The following LRBA variants were observed in gnomAD, a reference collection of about 807,000 sequenced individuals.
LRBA encodes LPS responsive beige-like anchor protein, also known as lipopolysaccharide-responsive and beige-like anchor protein.
LRBA carries 176 observed loss-of-function variants against 330.0 expected under a neutral mutation model. That is an observed-to-expected ratio of 0.53 (90% CI 0.47 to 0.60). The LOEUF (loss-of-function observed/expected upper bound fraction) is 0.60, where lower values mean the gene tolerates loss of function less well. LRBA is among the 20% of genes least tolerant of loss of function. LRBA has a pLI of 0.00. For synonymous variants in LRBA, 1,230 were observed against 1,193.0 expected (o/e 1.03, Z -0.64); for missense variants, 3,259 against 3,444.8 (o/e 0.95, Z 1.35).
rs998787226 is a variant in LRBA at position 150,265,550 on chromosome 4, T to TC, written c.*171dup. On this transcript the variant is annotated 3_prime_UTR_variant, in exon 57 of 57. Transcript: ENST00000651943. ...AGCAGCCAGTTTTCTGCTTTGCTAA[T>TC]CCCCCCCAAAAAAGTCAAGCAAAGA... is the stretch of plus-strand genomic sequence containing the variant. 58 of 537,070 alleles carry TC rather than the reference T, an allele frequency of 1.1e-4. No individual in the cohort carries two copies. Among genetic ancestry groups the TC allele is most frequent in the Non-Finnish European group, 1.6e-4 (46 of 294,826 alleles). The allele number at this position is 537,070 out of a possible 1,614,324, so 33.3% of individuals were successfully genotyped here.
At chr4:150,314,365 A>G (rs1348024589) in intron 51 of LRBA, among the ~76,000 whole-genome samples, 2 of 152,116 alleles carry the variant, frequency 1.3e-5, no homozygotes, top group African/African-American at 4.8e-5. Flanking sequence ...TCATGTAGAT[A>G]ATTACGTATT....
At chr4:150,983,231 C>T (rs1487089160) in intron 2 of LRBA, among the ~76,000 whole-genome samples, 2 of 152,004 alleles carry the variant, frequency 1.3e-5, no homozygotes, top group Admixed American at 6.6e-5. Flanking sequence ...CTGAGGCAAG[C>T]GGAACACTTG....
At chr4:150,809,394 T>C (rs539836750) in intron 31 of LRBA, among the ~76,000 whole-genome samples, 1 of 152,238 alleles carries the variant, frequency 6.6e-6, no homozygotes, top group South Asian at 2.1e-4. Flanking sequence ...CAAAATGAGT[T>C]TGAAACATCT....
intron 37 of LRBA, among the ~76,000 whole-genome samples, chr4:150,608,996 A>G (rs6825990): frequency 0.78 from 118,033 of 152,054 alleles, 50,668 homozygotes; most frequent in Non-Finnish European, 0.95. Context: ...TTGATTATCC[A>G]TTCATGTACT....
intron 56 of LRBA, among the ~76,000 whole-genome samples, chr4:150,272,532 G>T (rs113432702): frequency 7.6e-4 from 115 of 151,904 alleles, no homozygotes; most frequent in African/African-American, 2.7e-3. Context: ...AAAGGATCAC[G>T]TTCTAATCCA....
chr4:150,639,131 C>T (rs1457966362), intron 37 of LRBA, among the ~76,000 whole-genome samples: 1 of 146,520 alleles, frequency 6.8e-6, no homozygotes, highest in African/African-American at 2.5e-5. Flanking sequence ...CATATTCTCA[C>T]TCATAGGTGG....
chr4:150,481,040 T>C (rs1418076834), intron 42 of LRBA, among the ~76,000 whole-genome samples: 1 of 152,192 alleles, frequency 6.6e-6, no homozygotes, highest in African/African-American at 2.4e-5. Flanking sequence ...TTTTTACTCA[T>C]ATGGAGATTA....
At chr4:150,892,929 C>A (rs1729618995) in intron 17 of LRBA, 123 bp downstream of exon 17, 1 of 583,288 alleles carries the variant, frequency 1.7e-6, no homozygotes, top group Non-Finnish European at 3.0e-6. Flanking sequence ...GGTCTTAAAT[C>A]TTAACTCATT....
intron 35 of LRBA, 128 bp from the exon 36 acceptor site, chr4:150,735,494 C>A: frequency 1.5e-6 from 1 of 666,736 alleles, no homozygotes; most frequent in South Asian, 1.9e-5. Flanking sequence ...AATGAGGTAC[C>A]ATTATTTCAT....
chr4:150,808,217 G>T, intron 32 of LRBA, 103 bp downstream of exon 32: 2 of 721,516 alleles, frequency 2.8e-6, no homozygotes. Context: ...TTGAAAGAAA[G>T]AAATGAAATG....
At chr4:150,393,768 G>A (rs768795009) in intron 47 of LRBA, among the ~76,000 whole-genome samples, 2 of 152,196 alleles carry the variant, frequency 1.3e-5, no homozygotes, top group African/African-American at 4.8e-5. Flanking sequence ...TTATGGGCAT[G>A]AGCCACTGCC....
intron 56 of LRBA, among the ~76,000 whole-genome samples, chr4:150,276,088 T>C (rs1042491651): frequency 6.6e-6 from 1 of 152,138 alleles, no homozygotes; most frequent in Non-Finnish European, 1.5e-5. Context: ...AACAGATATA[T>C]AGACCAATGG....
intron 22 of LRBA, among the ~76,000 whole-genome samples, chr4:150,853,566 T>C (rs1750872999): frequency 6.6e-6 from 1 of 152,196 alleles, no homozygotes; most frequent in South Asian, 2.1e-4. Context: ...GATCCATCCA[T>C]ACATCCATTC....
chr4:150,440,171 G>C (rs1423606684), intron 44 of LRBA, among the ~76,000 whole-genome samples: 1 of 152,040 alleles, frequency 6.6e-6, no homozygotes. Flanking sequence ...GATTTTAAAG[G>C]AAAGTGACTC....
intron 44 of LRBA, among the ~76,000 whole-genome samples, chr4:150,454,153 G>A (rs1179795961): frequency 6.6e-6 from 1 of 152,000 alleles, no homozygotes; most frequent in Non-Finnish European, 1.5e-5. Flanking sequence ...TAGAGACAGG[G>A]TTTTACCATG....
chr4:150,275,208 G>A (rs1002670329), intron 56 of LRBA, among the ~76,000 whole-genome samples: 12 of 151,996 alleles, frequency 7.9e-5, no homozygotes, highest in Admixed American at 3.9e-4. Flanking sequence ...ATGCAGAAAA[G>A]GCCTTCAACA....
At chr4:150,338,181 T>A (rs1039030840) in intron 48 of LRBA, among the ~76,000 whole-genome samples, 2 of 152,078 alleles carry the variant, frequency 1.3e-5, no homozygotes, top group African/African-American at 4.8e-5. Flanking sequence ...TAGGGAAAAT[T>A]TTCAGGTTTT....
chr4:150,690,162 T>G (rs1396823284), intron 36 of LRBA, among the ~76,000 whole-genome samples: 1 of 152,064 alleles, frequency 6.6e-6, no homozygotes, highest in Non-Finnish European at 1.5e-5. Context: ...AATAAAAATT[T>G]TTAGCAATTT....
At chr4:150,757,349 A>C (rs1734449899) in intron 35 of LRBA, among the ~76,000 whole-genome samples, 1 of 152,332 alleles carries the variant, frequency 6.6e-6, no homozygotes, top group Admixed American at 6.5e-5. Context: ...CTACCAAACA[A>C]CAATTACTTA....
Sources: allele counts gnomAD v4.1 joint callset (sites outside exome capture counted in the v4.1 genomes callset), GRCh38; gene constraint gnomAD v4.1.1; transcripts MANE v1.5; gene names NCBI Gene and HGNC (gene_info 2026-07-23, HGNC 2026-07-21).